The following CNBD2 variants were observed in gnomAD, a reference collection of about 807,000 sequenced individuals.
The protein encoded by CNBD2 is cyclic nucleotide-binding domain-containing protein 2.
In CNBD2, 64 loss-of-function variants were observed where a neutral mutation model predicts 63.7. The observed-to-expected ratio is 1.00, with a 90% CI of 0.82 to 1.24. CNBD2 has a LOEUF of 1.24. Ranked by LOEUF, CNBD2 falls within the 50% of genes most tolerant of loss-of-function variation. The pLI is 0.00. For synonymous variants in CNBD2, 229 were observed against 255.4 expected (o/e 0.90, Z 0.99); for missense variants, 691 against 713.5 (o/e 0.97, Z 0.36).
At position 35,980,658 on chromosome 20, in the gene CNBD2, A is replaced by G. The variant is rs770080684; in HGVS notation, c.407+36A>G. On this transcript the variant is annotated intron_variant, in intron 4 of 11. Coordinates refer to ENST00000373973, the MANE Select transcript of CNBD2 (RefSeq NM_001365709.1). ...GGCACAGCCCTTGGCCACCAGGCTG[A>G]GGCTGGACTGAGCAAAAGAGCCTGG... The G allele has an allele frequency of 5.6e-6, 9 of 1,603,962 alleles. No homozygotes were observed. The South Asian group carries it at 8.8e-5, about 16-fold the overall frequency.
At chr20:35,987,262 A>ATT in intron 6 of CNBD2, 133 bp from the exon 7 acceptor site, 1 of 935,466 alleles carries the variant, frequency 1.1e-6, no homozygotes, top group Non-Finnish European at 1.6e-6. Context: ...AGGCCAGGTA[A>ATT]TTGGGCAGGT....
intron 8 of CNBD2, among the ~76,000 whole-genome samples, chr20:35,997,013 G>A (rs1423673176): frequency 6.6e-6 from 1 of 152,198 alleles, no homozygotes; most frequent in Non-Finnish European, 1.5e-5. Flanking sequence ...ACGTTGTCAA[G>A]TAGCAGCCTC....
At chr20:36,003,052 C>T (rs771269851) in intron 8 of CNBD2, among the ~76,000 whole-genome samples, 5 of 151,842 alleles carry the variant, frequency 3.3e-5, no homozygotes, top group African/African-American at 4.8e-5. Flanking sequence ...AATCCTCCTT[C>T]TGCATTGTCT....
intron 11 of CNBD2, among the ~76,000 whole-genome samples, chr20:36,026,969 G>T (rs1422792571): frequency 6.6e-6 from 1 of 152,184 alleles, no homozygotes; most frequent in Non-Finnish European, 1.5e-5. Context: ...GCATGCAGAA[G>T]GTGCTTAATA....
chr20:36,010,044 T>C (rs1447699057), intron 9 of CNBD2, among the ~76,000 whole-genome samples: 1 of 152,132 alleles, frequency 6.6e-6, no homozygotes, highest in Non-Finnish European at 1.5e-5. Flanking sequence ...GTTATCGGTA[T>C]GATTGTCACG....
At chr20:36,005,669 G>A (rs2056973994) in intron 8 of CNBD2, among the ~76,000 whole-genome samples, 1 of 151,992 alleles carries the variant, frequency 6.6e-6, no homozygotes, top group Non-Finnish European at 1.5e-5. Flanking sequence ...TAATTTGAGG[G>A]GCCGGGCATG....
intron 5 of CNBD2, among the ~76,000 whole-genome samples, 196 bp downstream of exon 5, chr20:35,984,334 A>G (rs945826498): frequency 2.0e-5 from 3 of 152,198 alleles, no homozygotes; most frequent in Non-Finnish European, 4.4e-5. Flanking sequence ...TTTAAGAAGT[A>G]TGTTCCTGAT....
intron 7 of CNBD2, 54 bp from the exon 8 acceptor site, chr20:35,994,984 C>G (rs1393584843): frequency 8.1e-7 from 1 of 1,228,312 alleles, no homozygotes; most frequent in Non-Finnish European, 1.2e-6. Flanking sequence ...CAAAGCCTGG[C>G]CTACCTGGAG....
At chr20:36,023,803 A>C (rs1296536712) in intron 11 of CNBD2, 32 bp downstream of exon 11, 7 of 1,524,086 alleles carry the variant, frequency 4.6e-6, no homozygotes, top group African/African-American at 2.8e-5. Flanking sequence ...AAGTCCCATC[A>C]GGTGAAATGA....
rs531830500 is a variant in CNBD2 at position 36,027,424 on chromosome 20, A to G, written c.1440-2933A>G. Reference sequence around the variant, plus strand: ...TAGGCTTTTGACTCCAATCAGCAAAACAAGAAAATTAGAGTAGATCAGTAT... The same window carrying G: ...TAGGCTTTTGACTCCAATCAGCAAAGCAAGAAAATTAGAGTAGATCAGTAT... On this transcript the variant is annotated intron_variant, in intron 11 of 11. Transcript: ENST00000373973. Among the ~76,000 whole-genome samples the G allele has an allele frequency of 1.1e-3, 171 of 152,324 alleles. 3 individuals carry two copies. Among genetic ancestry groups the G allele is most frequent in the Middle Eastern group, 3.4e-3 (1 of 294 alleles).
At chr20:36,009,041 A>T (rs2057022222) in intron 9 of CNBD2, among the ~76,000 whole-genome samples, 2 of 152,158 alleles carry the variant, frequency 1.3e-5, no homozygotes, top group Admixed American at 1.3e-4. Flanking sequence ...CTTACAGAGT[A>T]TTTTTTGTAG....
chr20:35,980,568 G>C lies in CNBD2; in HGVS notation c.353G>C (p.Arg118Pro). 6.2e-7 allele frequency: 1 copy of C among 1,614,082 alleles called. No homozygotes were observed. The highest frequency in any genetic ancestry group is 8.5e-7 in the Non-Finnish European group (1 of 1,180,032). The stretch of plus-strand genomic sequence containing the variant: ...ATCTTGCAGGTTCTGGATAGCTATC[G>C]GAACTACGCAGAGCCCCTGCAGCTG... ...CNILQVLDSY[R>P]NYAEPLQLLL... Residue 118 changes from arginine to proline, a missense_variant, in exon 4 of 12, where the codon CGG becomes CCG. Arg to Pro is a moderately radical substitution (Grantham distance 103). Coordinates refer to ENST00000373973, the MANE Select transcript of CNBD2 (RefSeq NM_001365709.1).
upstream of CNBD2, among the ~76,000 whole-genome samples, chr20:35,964,261 A>G (rs938021524): frequency 1.3e-5 from 2 of 151,348 alleles, no homozygotes; most frequent in Non-Finnish European, 2.9e-5. Flanking sequence ...GCTCACCACA[A>G]CTTCCGCCTC....
chr20:36,015,601 A>G (rs2057122846), intron 10 of CNBD2, among the ~76,000 whole-genome samples: 1 of 152,190 alleles, frequency 6.6e-6, no homozygotes. Context: ...AGGAAGAGCT[A>G]GGGGAGGGGG....
rs548467745 is a variant in CNBD2 at position 35,969,037 on chromosome 20, C to G, written c.51+224C>G. On this transcript the variant is annotated intron_variant, in intron 1 of 11. Transcript: ENST00000373973. ...ACACTCAGAGCCACTGAGTCCTGTTCTGTACCCACTCTTCCTGCTATTATG... is the reference window on the plus strand; with the variant it reads ...ACACTCAGAGCCACTGAGTCCTGTTGTGTACCCACTCTTCCTGCTATTATG... Among the ~76,000 whole-genome samples the G allele has an allele frequency of 2.0e-5, 3 of 152,296 alleles. No homozygotes were observed. In the South Asian group the frequency reaches 6.2e-4, roughly 32 times the overall value.
chr20:36,006,815 C>T (rs908003154), intron 8 of CNBD2, among the ~76,000 whole-genome samples: 4 of 152,172 alleles, frequency 2.6e-5, no homozygotes, highest in Non-Finnish European at 5.9e-5. Flanking sequence ...CAATCTCTAC[C>T]CCTCACCCTT....
At chr20:36,005,137 T>C (rs1268556956) in intron 8 of CNBD2, among the ~76,000 whole-genome samples, 1 of 152,234 alleles carries the variant, frequency 6.6e-6, no homozygotes, top group African/African-American at 2.4e-5. Context: ...GGAAACGTAT[T>C]AGACAAATTC....
rs1209824470 is a variant in CNBD2, at chr20:35,995,236, C to CTAGT, written c.970+85_970+88dup. On this transcript the variant is annotated intron_variant, in intron 8 of 11. Transcript: ENST00000373973. ...TCCCAGCACATAGAGCCTTAGAAAT[C>CTAGT]TAGTCAGCCAGCCTGACAGCGTATA... 5.5e-6 allele frequency: 5 copies of CTAGT among 911,658 alleles called. No individual in the cohort carries two copies. The Admixed American group carries it at 1.0e-4, about 19-fold the overall frequency. The allele number at this position is 911,658 out of a possible 1,614,324, so 56.5% of individuals were successfully genotyped here. A position where few individuals can be genotyped will look rare whatever the true frequency, so the allele number is the denominator to read the frequency against.
intron 7 of CNBD2, among the ~76,000 whole-genome samples, chr20:35,990,732 C>CTTGAGGCCAGGGGT (rs1287764500): frequency 6.6e-6 from 1 of 152,146 alleles, no homozygotes; most frequent in East Asian, 1.9e-4. Context: ...GGGTGGATCA[C>CTTGAGGCCAGGGGT]TTGAGGCCAG....
Sources: gnomAD v4.1 joint callset for allele counts (sites outside exome capture counted in the v4.1 genomes callset) on GRCh38, gnomAD v4.1.1 for gene constraint, MANE v1.5 for transcripts, NCBI Gene and HGNC (gene_info 2026-07-23, HGNC 2026-07-21) for gene names.